Variants in PTPRD observed in about 807,000 individuals in gnomAD.
PTPRD encodes protein tyrosine phosphatase receptor type D, also known as receptor-type tyrosine-protein phosphatase delta.
In PTPRD, 34 loss-of-function variants were observed where a neutral mutation model predicts 214.5. That is an observed-to-expected ratio of 0.16 (90% CI 0.12 to 0.21). PTPRD has a LOEUF of 0.21. PTPRD is among the 10% of genes least tolerant of loss of function. The pLI is 1.00. For synonymous variants in PTPRD, 1,128 were observed against 845.7 expected, an observed-to-expected ratio of 1.33 and a Z score of -5.79; for missense variants, 2,545 against 2,398.7, an observed-to-expected ratio of 1.06 and a Z score of -1.27.
chr9:8,867,423 A>G (rs566487654), intron 11 of PTPRD, among the ~76,000 whole-genome samples: 3 of 152,270 alleles, frequency 2.0e-5, no homozygotes, highest in African/African-American at 7.2e-5. Flanking sequence ...GTTGGCACTC[A>G]TGCTTTTTAC....
At chr9:9,992,641 T>G (rs1029626769) in intron 4 of PTPRD, among the ~76,000 whole-genome samples, 2 of 152,162 alleles carry the variant, frequency 1.3e-5, no homozygotes, top group African/African-American at 4.8e-5. Context: ...TGAGTTCATG[T>G]CCTTTGTAGG....
At chr9:9,365,804 G>C (rs965654353) in intron 9 of PTPRD, among the ~76,000 whole-genome samples, 1 of 151,132 alleles carries the variant, frequency 6.6e-6, no homozygotes, top group Non-Finnish European at 1.5e-5. Flanking sequence ...ACAACTAAAG[G>C]CCTCATCTCC....
chr9:8,318,564 C>T lies in PTPRD; in HGVS notation c.5671-622G>A, dbSNP rs76149655. On this transcript the variant is annotated intron_variant, in intron 45 of 45. Transcript: ENST00000381196. ...ATATACAGCCAGAAGGTAGCTGGTGCGGCACACCAGGCACACAAATCCATT... is the reference window on the plus strand; with the variant it reads ...ATATACAGCCAGAAGGTAGCTGGTGTGGCACACCAGGCACACAAATCCATT... Among the ~76,000 whole-genome samples, 85 of 152,164 alleles carry T rather than the reference C, an allele frequency of 5.6e-4. No individual in the cohort carries two copies. In the Middle Eastern group the frequency reaches 0.014, roughly 24 times the overall value.
At chr9:8,722,285 T>C (rs939443618) in intron 12 of PTPRD, among the ~76,000 whole-genome samples, 1 of 152,074 alleles carries the variant, frequency 6.6e-6, no homozygotes, top group Admixed American at 6.6e-5. Flanking sequence ...AGAATTCTCC[T>C]ACCTATTCTC....
At chr9:9,453,246 A>C (rs1241421351) in intron 8 of PTPRD, among the ~76,000 whole-genome samples, 1 of 151,596 alleles carries the variant, frequency 6.6e-6, no homozygotes, top group Non-Finnish European at 1.5e-5. Flanking sequence ...TATATCATGT[A>C]GTTACATGCT....
chr9:10,542,653 T>G (rs1265783186), intron 2 of PTPRD, among the ~76,000 whole-genome samples: 1 of 152,268 alleles, frequency 6.6e-6, no homozygotes, highest in South Asian at 2.1e-4. Flanking sequence ...GTAACACATA[T>G]ATTCACAGTG....
chr9:8,827,713 C>T (rs2097204322), intron 11 of PTPRD, among the ~76,000 whole-genome samples: 1 of 152,074 alleles, frequency 6.6e-6, no homozygotes, highest in Admixed American at 6.6e-5. Flanking sequence ...CAGAGCATGC[C>T]TTTAACCTAT....
At chr9:9,457,354 A>C (rs1449018460) in intron 8 of PTPRD, among the ~76,000 whole-genome samples, 1 of 152,054 alleles carries the variant, frequency 6.6e-6, no homozygotes, top group African/African-American at 2.4e-5. Flanking sequence ...AGATTTATCA[A>C]AGTCCTCTCT....
At chr9:10,608,839 C>A (rs572170436) in intron 2 of PTPRD, among the ~76,000 whole-genome samples, 1 of 152,118 alleles carries the variant, frequency 6.6e-6, no homozygotes, top group African/African-American at 2.4e-5. Context: ...GTTACAAGTA[C>A]AGTTAATGTC....
intron 11 of PTPRD, among the ~76,000 whole-genome samples, chr9:8,805,212 G>C (rs1393903778): frequency 1.3e-5 from 2 of 152,154 alleles, no homozygotes; most frequent in African/African-American, 2.4e-5. Flanking sequence ...AATTCTATGA[G>C]GTTGGTATTA....
intron 45 of PTPRD, 147 bp downstream of exon 45, chr9:8,319,684 G>C (rs1275475131): frequency 1.1e-6 from 1 of 899,572 alleles, no homozygotes; most frequent in Non-Finnish European, 1.7e-6. Flanking sequence ...TTTAAAAAGG[G>C]GGAAAATGAG....
chr9:9,056,054 C>CA, intron 10 of PTPRD, among the ~76,000 whole-genome samples: 1 of 152,038 alleles, frequency 6.6e-6, no homozygotes, highest in South Asian at 2.1e-4. Flanking sequence ...GGACTTGCCA[C>CA]AAAAAAGACT....
chr9:9,449,752 A>G (rs571274575), intron 8 of PTPRD, among the ~76,000 whole-genome samples: 1 of 151,890 alleles, frequency 6.6e-6, no homozygotes, highest in African/African-American at 2.4e-5. Flanking sequence ...TTAAATTTCA[A>G]TAGTTTTGGG....
chr9:9,924,258 A>G (rs898518893), intron 5 of PTPRD, among the ~76,000 whole-genome samples: 1 of 152,024 alleles, frequency 6.6e-6, no homozygotes, highest in African/African-American at 2.4e-5. Context: ...ATAAATCAAG[A>G]TAATAATACA....
At chr9:9,177,335 G>A (rs1451736386) in intron 10 of PTPRD, among the ~76,000 whole-genome samples, 2 of 151,926 alleles carry the variant, frequency 1.3e-5, no homozygotes, top group Admixed American at 1.3e-4. Context: ...GGGATTATGG[G>A]GATTATGGGG....
intron 2 of PTPRD, among the ~76,000 whole-genome samples, chr9:10,407,993 T>C (rs4741031): frequency 0.78 from 117,609 of 151,350 alleles, 46,490 homozygotes; most frequent in East Asian, 0.88. Context: ...ACATGTAAGA[T>C]CTTATATGTT....
chr9:9,005,917 A>G (rs1424371300), intron 11 of PTPRD, among the ~76,000 whole-genome samples: 1 of 152,050 alleles, frequency 6.6e-6, no homozygotes, highest in African/African-American at 2.4e-5. Flanking sequence ...ATAAAGCCAT[A>G]TATGTGATGA....
chr9:9,048,187 G>A (rs777276485), intron 10 of PTPRD, among the ~76,000 whole-genome samples: 6 of 152,042 alleles, frequency 3.9e-5, no homozygotes, highest in Non-Finnish European at 8.8e-5. Flanking sequence ...AATGGAACCC[G>A]TGTACACTTT....
chr9:10,342,211 G>A (rs2096954406), intron 2 of PTPRD, among the ~76,000 whole-genome samples: 1 of 152,008 alleles, frequency 6.6e-6, no homozygotes, highest in African/African-American at 2.4e-5. Flanking sequence ...CACATCATGA[G>A]TGCGCCCTTG....
Sources: gnomAD v4.1 joint callset for allele counts (sites outside exome capture counted in the v4.1 genomes callset) on GRCh38, gnomAD v4.1.1 for gene constraint, MANE v1.5 for transcripts, NCBI Gene and HGNC (gene_info 2026-07-23, HGNC 2026-07-21) for gene names.